The following GXYLT1 variants were observed in gnomAD, a reference collection of about 807,000 sequenced individuals.
GXYLT1 encodes the protein glucoside xylosyltransferase 1, also known as glycosyltransferase 8 domain containing 3.
A neutral mutation model predicts 54.0 loss-of-function variants in GXYLT1; 29 were observed. That is an observed-to-expected ratio of 0.54 (90% CI 0.40 to 0.73). The LOEUF (loss-of-function observed/expected upper bound fraction) is 0.73, where lower values mean the gene tolerates loss of function less well. Ranked by LOEUF, GXYLT1 falls within the 30% of genes least tolerant of loss-of-function variation. The pLI is 0.00. For synonymous variants in GXYLT1, 176 were observed against 204.1 expected, an observed-to-expected ratio of 0.86 and a Z score of 1.17; for missense variants, 490 against 553.4, an observed-to-expected ratio of 0.89 and a Z score of 1.15.
chr12:42,089,119 A>G (rs1261590873), intron 7 of GXYLT1, among the ~76,000 whole-genome samples: 1 of 152,016 alleles, frequency 6.6e-6, no homozygotes, highest in Non-Finnish European at 1.5e-5. Flanking sequence ...ATAAACGTCT[A>G]AAATTGTTTT....
At chr12:42,088,811 CA>C (rs1389875881) in intron 7 of GXYLT1, among the ~76,000 whole-genome samples, 3 of 150,694 alleles carry the variant, frequency 2.0e-5, no homozygotes, top group Non-Finnish European at 2.9e-5. Flanking sequence ...TGCAAAATCA[CA>C]AAGGAAATTC....
chr12:42,093,859 T>C (rs946329590), intron 7 of GXYLT1, among the ~76,000 whole-genome samples: 5 of 152,006 alleles, frequency 3.3e-5, no homozygotes, highest in African/African-American at 9.7e-5. Context: ...CTTAAGTAAA[T>C]GGTGTAGAGA....
chr12:42,111,122 C>G (rs1329365022), intron 3 of GXYLT1, among the ~76,000 whole-genome samples: 1 of 152,150 alleles, frequency 6.6e-6, no homozygotes, highest in Non-Finnish European at 1.5e-5. Context: ...AGATTAATTC[C>G]TCAATATTTT....
intron 6 of GXYLT1, 31 bp from the exon 7 acceptor site, chr12:42,097,645 A>T: frequency 6.4e-7 from 1 of 1,558,992 alleles, no homozygotes; most frequent in Non-Finnish European, 8.7e-7. Flanking sequence ...ACAATGAAGC[A>T]AATACCCCTA....
At chr12:42,094,384 T>C (rs939316873) in intron 7 of GXYLT1, among the ~76,000 whole-genome samples, 1 of 143,468 alleles carries the variant, frequency 7.0e-6, no homozygotes, top group Non-Finnish European at 1.5e-5. Context: ...GAGGCTGGGC[T>C]TGATGACTCA....
chr12:42,115,371 T>C (rs1441713950), intron 3 of GXYLT1, among the ~76,000 whole-genome samples: 1 of 152,144 alleles, frequency 6.6e-6, no homozygotes, highest in Non-Finnish European at 1.5e-5. Context: ...TGATTGTATA[T>C]CTAGAAAACC....
chr12:42,130,278 C>A (rs1312105014), intron 1 of GXYLT1, among the ~76,000 whole-genome samples: 4 of 152,160 alleles, frequency 2.6e-5, no homozygotes, highest in Non-Finnish European at 4.4e-5. Context: ...AAAAGAAGAT[C>A]TTTAAATGCT....
rs1236684032 is a variant in GXYLT1, at chr12:42,085,887, G to T, written c.*1899C>A. 6.7e-6 allele frequency: 1 copy of T among 149,566 alleles called. No individual in the cohort carries two copies. Among genetic ancestry groups the T allele is most frequent in the Non-Finnish European group, 1.5e-5 (1 of 67,250 alleles). The allele number at this position is 149,566 out of a possible 1,614,324, so 9.3% of individuals were successfully genotyped here. Reference sequence around the variant, plus strand: ...AAAAATGACAAATGAAGCAAACATGGTAAGATAGTGATAAGTGTCAGATCT... The same window carrying T: ...AAAAATGACAAATGAAGCAAACATGTTAAGATAGTGATAAGTGTCAGATCT... On this transcript the variant is annotated 3_prime_UTR_variant, in exon 8 of 8. Transcript: ENST00000398675.
At chr12:42,094,343 C>CGTTA (rs1370896799) in intron 7 of GXYLT1, among the ~76,000 whole-genome samples, 2 of 146,312 alleles carry the variant, frequency 1.4e-5, no homozygotes, top group African/African-American at 5.0e-5. Flanking sequence ...AAGAGCATAA[C>CGTTA]CCTGCCTCAA....
intron 1 of GXYLT1, among the ~76,000 whole-genome samples, chr12:42,143,952 G>A (rs1036136235): frequency 6.6e-6 from 1 of 152,192 alleles, no homozygotes; most frequent in East Asian, 1.9e-4. Context: ...AAGTGTAAGC[G>A]TTAACACAGG....
rs1023863889 is a variant in GXYLT1, at chr12:42,084,180, T to C, written c.*3606A>G. 2 of 152,402 alleles carry C rather than the reference T, an allele frequency of 1.3e-5. No homozygotes were observed. Among genetic ancestry groups the C allele is most frequent in the African/African-American group, 2.4e-5 (1 of 41,488 alleles). 9.4% of individuals were successfully genotyped at this position (152,402 alleles called of 1,614,324 possible). A position where few individuals can be genotyped will look rare whatever the true frequency, so the allele number is the denominator to read the frequency against. ...GGCTACAACTCAAAAAGTAAATGTT[T>C]CCACACCATTTCTCTCCATCTCTAC... On this transcript the variant is annotated 3_prime_UTR_variant, in exon 8 of 8. Coordinates refer to ENST00000398675, the MANE Select transcript of GXYLT1 (RefSeq NM_173601.2).
Position 42,098,051 on chromosome 12 carries a change from CAA to C in GXYLT1, c.865-20_865-19del, listed in dbSNP as rs2065367159. The C allele has an allele frequency of 6.2e-6, 10 of 1,602,702 alleles. No homozygotes were observed. Among genetic ancestry groups the C allele is most frequent in the African/African-American group, 1.3e-5 (1 of 74,284 alleles). ...ATATCATTCTGTTGATAAAAACATT[CAA>C]AAGAGCTTCAGACTTTCAGGCTTAA... On this transcript the variant is annotated intron_variant, in intron 5 of 7. Transcript: ENST00000398675.
In GXYLT1 at chr12:42,111,322, G is replaced by C. The variant is rs534056365; in HGVS notation, c.487-1631C>G. 2.0e-5 allele frequency among the ~76,000 whole-genome samples: 3 copies of C among 152,338 alleles called. No individual in the cohort carries two copies. In the South Asian group the frequency reaches 6.2e-4, roughly 32 times the overall value. ...CAGCGCACCGTGCGCGAGCCGAACC[G>C]GGGCGAGGCATCGCCTCACCCGGGA... is the stretch of plus-strand genomic sequence containing the variant. On this transcript the variant is annotated intron_variant, in intron 3 of 7. Transcript: ENST00000398675.
In GXYLT1 at chr12:42,140,827, T is replaced by A. The variant is rs77292029; in HGVS notation, c.221+3599A>T. ...TTTCTTGATTCCCCACTACCAATAC[T>A]GCTGTATAGCCACAGGTAAAATTTT... On this transcript the variant is annotated intron_variant, in intron 1 of 7. Coordinates refer to ENST00000398675, the MANE Select transcript of GXYLT1 (RefSeq NM_173601.2). 5.6e-3 allele frequency among the ~76,000 whole-genome samples: 848 copies of A among 152,340 alleles called. 6 individuals are homozygous for A. Among genetic ancestry groups the A allele is most frequent in the African/African-American group, 0.019 (808 of 41,578 alleles).
Position 42,098,288 on chromosome 12 carries a change from C to T in GXYLT1, c.865-255G>A, listed in dbSNP as rs1446961058. Among the ~76,000 whole-genome samples, 6 of 152,282 alleles carry T rather than the reference C, an allele frequency of 3.9e-5. No homozygotes were observed. The East Asian group carries it at 1.2e-3, about 29-fold the overall frequency. ...GAAAGAAAGCGAAAGTAACTGTGTCCTTATCTTAAAATGAAGATAGTTTTG... is the reference window on the plus strand; with the variant it reads ...GAAAGAAAGCGAAAGTAACTGTGTCTTTATCTTAAAATGAAGATAGTTTTG... On this transcript the variant is annotated intron_variant, in intron 5 of 7. Coordinates refer to ENST00000398675, the MANE Select transcript of GXYLT1 (RefSeq NM_173601.2).
At chr12:42,104,132 G>T (rs1255468133) in intron 5 of GXYLT1, among the ~76,000 whole-genome samples, 2 of 152,020 alleles carry the variant, frequency 1.3e-5, no homozygotes, top group African/African-American at 4.8e-5. Context: ...AAAAACAATG[G>T]ATTTGAACTA....
chr12:42,097,450 G>A lies in GXYLT1; in HGVS notation c.1153C>T (p.Leu385=), dbSNP rs781456325. Residue 385 remains leucine (L), a synonymous_variant, in exon 7 of 8, where the codon CTG becomes TTG. Transcript: ENST00000398675. ...QPAFRAVYEA[L]RNCSFEDDNI... ...GGAAAGGCAAATCTTACATTTCTCA[G>A]TGCTTCATAAACAGCTCTAAATGCT... 12 of 1,564,044 alleles carry A rather than the reference G, an allele frequency of 7.7e-6. No individual in the cohort carries two copies. Among genetic ancestry groups the A allele is most frequent in the Non-Finnish European group, 9.4e-6 (11 of 1,165,458 alleles).
chr12:42,122,405 C>G (rs1244261706), intron 2 of GXYLT1, among the ~76,000 whole-genome samples: 1 of 152,058 alleles, frequency 6.6e-6, no homozygotes. Flanking sequence ...GGCTGGCCAA[C>G]ATGGCGAAAC....
intron 5 of GXYLT1, among the ~76,000 whole-genome samples, chr12:42,098,523 T>TA (rs1565567050): frequency 1.3e-5 from 2 of 151,812 alleles, no homozygotes; most frequent in Non-Finnish European, 2.9e-5. Context: ...TAAATCAAAT[T>TA]AAAAAATGCA....
Sources: gnomAD v4.1 joint callset for allele counts (sites outside exome capture counted in the v4.1 genomes callset) on GRCh38, gnomAD v4.1.1 for gene constraint, MANE v1.5 for transcripts, NCBI Gene and HGNC (gene_info 2026-07-23, HGNC 2026-07-21) for gene names.